The following ANKRD6 variants were observed in gnomAD, a reference collection of about 807,000 sequenced individuals.
ANKRD6 encodes ankyrin repeat domain 6, also known as ankyrin repeat domain-containing protein 6.
In ANKRD6, 56 loss-of-function variants were observed where a neutral mutation model predicts 82.3. The observed-to-expected ratio is 0.68, with a 90% confidence interval of 0.55 to 0.85. The LOEUF (loss-of-function observed/expected upper bound fraction) is 0.85. Ranked by LOEUF, ANKRD6 falls within the 40% of genes least tolerant of loss-of-function variation. The probability of loss-of-function intolerance (pLI) is 0.00; values close to 1 mark genes in which losing one functional copy is unlikely to be tolerated. For synonymous variants in ANKRD6, 347 were observed against 352.1 expected, an observed-to-expected ratio of 0.99 and a Z score of 0.16; for missense variants, 852 against 907.6, an observed-to-expected ratio of 0.94 and a Z score of 0.79.
chr6:89,507,027 T>A (rs952256501), intron 1 of ANKRD6, among the ~76,000 whole-genome samples: 1 of 152,236 alleles, frequency 6.6e-6, no homozygotes, highest in Non-Finnish European at 1.5e-5. Flanking sequence ...CAACTGTCAA[T>A]ATTTTCCAAG....
chr6:89,610,291 G>A (rs913506148), intron 5 of ANKRD6, among the ~76,000 whole-genome samples: 1 of 152,014 alleles, frequency 6.6e-6, no homozygotes, highest in African/African-American at 2.4e-5. Context: ...TCCCAGCCCC[G>A]GGCAACCACG....
chr6:89,608,721 C>T (rs1799449733), intron 5 of ANKRD6, among the ~76,000 whole-genome samples: 2 of 152,094 alleles, frequency 1.3e-5, no homozygotes, highest in African/African-American at 2.4e-5. Context: ...ATCCGTCTCC[C>T]CTCTCCAGTC....
At chr6:89,544,700 T>C (rs1401044660) in intron 1 of ANKRD6, among the ~76,000 whole-genome samples, 1 of 148,108 alleles carries the variant, frequency 6.8e-6, no homozygotes, top group Non-Finnish European at 1.5e-5. Context: ...GGTGACAGAG[T>C]GAGATTCTAT....
chr6:89,586,485 G>A (rs562497451), intron 2 of ANKRD6, among the ~76,000 whole-genome samples: 5 of 151,946 alleles, frequency 3.3e-5, no homozygotes, highest in Non-Finnish European at 5.9e-5. Flanking sequence ...TCAAGAGTTC[G>A]AGACCAGCCT....
At chr6:89,439,977 C>G (rs1341256055) in intron 1 of ANKRD6, among the ~76,000 whole-genome samples, 1 of 152,068 alleles carries the variant, frequency 6.6e-6, no homozygotes, top group Non-Finnish European at 1.5e-5. Flanking sequence ...GATTACAGGC[C>G]TAAGCCACCA....
At chr6:89,458,452 C>T (rs1773732974) in intron 1 of ANKRD6, among the ~76,000 whole-genome samples, 1 of 152,162 alleles carries the variant, frequency 6.6e-6, no homozygotes. Context: ...ATCCCAAAAC[C>T]TCAAAAGTAG....
chr6:89,587,783 C>T (rs1375569247), intron 2 of ANKRD6, among the ~76,000 whole-genome samples: 1 of 152,156 alleles, frequency 6.6e-6, no homozygotes, highest in Non-Finnish European at 1.5e-5. Context: ...CGTTTCTTGT[C>T]AACTATTGTC....
intron 1 of ANKRD6, among the ~76,000 whole-genome samples, chr6:89,500,688 G>A (rs1779164623): frequency 6.6e-6 from 1 of 152,104 alleles, no homozygotes; most frequent in Non-Finnish European, 1.5e-5. Flanking sequence ...AAGGGGCTGT[G>A]GGATGGGAAA....
Position 89,624,707 on chromosome 6 carries a change from C to T in ANKRD6, c.1371+16C>T, listed in dbSNP as rs1451025883. 5.6e-6 allele frequency: 9 copies of T among 1,599,462 alleles called. No individual in the cohort carries two copies. The highest frequency in any genetic ancestry group is 7.7e-6 in the Non-Finnish European group (9 of 1,172,588). On this transcript the variant is annotated intron_variant, in intron 13 of 15. Transcript: ENST00000339746. ...CCAGCACCAAGTATGTCATAAGGCCCAGCTTCCTAATTGCAAGGTGTTCTG... is the reference window on the plus strand; with the variant it reads ...CCAGCACCAAGTATGTCATAAGGCCTAGCTTCCTAATTGCAAGGTGTTCTG...
At chr6:89,554,300 G>C (rs1786269868) in intron 1 of ANKRD6, among the ~76,000 whole-genome samples, 3 of 152,054 alleles carry the variant, frequency 2.0e-5, no homozygotes, top group Admixed American at 2.0e-4. Flanking sequence ...GGGTTCCTTG[G>C]CTTGTGGCCA....
chr6:89,596,218 G>A (rs1795856701), intron 3 of ANKRD6, among the ~76,000 whole-genome samples: 1 of 152,072 alleles, frequency 6.6e-6, no homozygotes, highest in South Asian at 2.1e-4. Flanking sequence ...TAGAGTTTGG[G>A]AGTGTGGGGT....
At chr6:89,471,652 A>C (rs1474506597) in intron 1 of ANKRD6, among the ~76,000 whole-genome samples, 1 of 151,926 alleles carries the variant, frequency 6.6e-6, no homozygotes, top group African/African-American at 2.4e-5. Context: ...TGTTTTACTG[A>C]AAGCTGAGCA....
chr6:89,588,994 CAAAA>C (rs34892881), intron 2 of ANKRD6, among the ~76,000 whole-genome samples: 1 of 48,298 alleles, frequency 2.1e-5, no homozygotes, highest in Non-Finnish European at 3.8e-5. Context: ...GACTCTGTCT[CAAAA>C]AAAAAAAAAA....
intron 10 of ANKRD6, among the ~76,000 whole-genome samples, chr6:89,622,896 AGAT>A (rs1318896861): frequency 6.6e-6 from 1 of 151,802 alleles, no homozygotes; most frequent in African/African-American, 2.4e-5. Flanking sequence ...TTAACTTCCT[AGAT>A]GTGAATTGTA....
At chr6:89,484,447 C>G (rs1323158944) in intron 1 of ANKRD6, among the ~76,000 whole-genome samples, 2 of 152,100 alleles carry the variant, frequency 1.3e-5, no homozygotes, top group Non-Finnish European at 2.9e-5. Flanking sequence ...AGAGGAAAAT[C>G]TTGATCTTAA....
At chr6:89,582,554 A>G (rs1052105418) in intron 2 of ANKRD6, among the ~76,000 whole-genome samples, 2 of 152,166 alleles carry the variant, frequency 1.3e-5, no homozygotes, top group Admixed American at 1.3e-4. Flanking sequence ...CAGTTGTGTC[A>G]TCATCACCAC....
rs1346979955 is a variant in ANKRD6 at position 89,622,043 on chromosome 6, C to T, written c.897+17C>T. On this transcript the variant is annotated intron_variant, in intron 10 of 15. Coordinates refer to ENST00000339746, the MANE Select transcript of ANKRD6 (RefSeq NM_001242809.2). The stretch of plus-strand genomic sequence containing the variant: ...CAAAGCAAGGTGGGGGGCAGTCCTC[C>T]CGCCGTCCCCACATCCACCCATGCT... The T allele has an allele frequency of 6.2e-7, 1 of 1,607,712 alleles. No individual in the cohort carries two copies. The highest frequency in any genetic ancestry group is 8.5e-7 in the Non-Finnish European group (1 of 1,176,642).
chr6:89,496,653 G>C (rs917125168), intron 1 of ANKRD6, among the ~76,000 whole-genome samples: 1 of 152,104 alleles, frequency 6.6e-6, no homozygotes, highest in Non-Finnish European at 1.5e-5. Flanking sequence ...CTCCCGAATA[G>C]CTGGGATTAC....
intron 1 of ANKRD6, among the ~76,000 whole-genome samples, chr6:89,475,468 T>A (rs1179874791): frequency 6.6e-6 from 1 of 152,252 alleles, no homozygotes; most frequent in Non-Finnish European, 1.5e-5. Context: ...TGTACTGGCA[T>A]GAATATGATT....
Sources: gnomAD v4.1 joint callset for allele counts (sites outside exome capture counted in the v4.1 genomes callset) on GRCh38, gnomAD v4.1.1 for gene constraint, MANE v1.5 for transcripts, NCBI Gene and HGNC (gene_info 2026-07-23, HGNC 2026-07-21) for gene names.